The following SLC46A2 variants were observed in gnomAD, a reference collection of about 807,000 sequenced individuals.
SLC46A2 encodes thymic stromal co-transporter.
In SLC46A2, 25 loss-of-function variants were observed where a neutral mutation model predicts 33.1. The ratio of observed to expected loss-of-function variants is 0.76; its 90% CI spans 0.55 to 1.06. The LOEUF is 1.06. Ranked by LOEUF, SLC46A2 falls within the 50% of genes least tolerant of loss-of-function variation. SLC46A2 has a pLI of 0.00. For synonymous variants in SLC46A2, 254 were observed against 275.9 expected (o/e 0.92, Z 0.79); for missense variants, 622 against 621.7 (o/e 1.00, Z 0.00).
chr9:112,889,887 A>G lies in SLC46A2; in HGVS notation c.795T>C (p.Tyr265=). The G allele has an allele frequency of 2.5e-6, 4 of 1,614,224 alleles. No individual in the cohort carries two copies. Among genetic ancestry groups the G allele is most frequent in the Non-Finnish European group, 3.4e-6 (4 of 1,180,042 alleles). The change falls in exon 1 of 4, where the codon TAT becomes TAC. Residue 265 remains tyrosine (Y), a synonymous_variant. Coordinates refer to ENST00000374228, the MANE Select transcript of SLC46A2 (RefSeq NM_033051.4). ...CAGGAGATGGAGGGTGCCCCACTGC[A>G]TACTGTTGGTCCAACTGATCAGGAT... ...TLDPDQLDQQ[Y]AVGHPPSPGK...
chr9:112,887,405 C>G lies in SLC46A2; in HGVS notation c.1138G>C (p.Val380Leu). 6.2e-7 allele frequency: 1 copy of G among 1,608,422 alleles called. No homozygotes were observed. The highest frequency in any genetic ancestry group is 8.5e-7 in the Non-Finnish European group (1 of 1,177,720). Residue 380 changes from valine to leucine, a missense_variant, in exon 2 of 4, where the codon GTC becomes CTC. Coordinates refer to ENST00000374228, the MANE Select transcript of SLC46A2 (RefSeq NM_033051.4). ...ETYMFYIARAVMLFALIPVTT... is the reference protein window; with the variant it reads ...ETYMFYIARALMLFALIPVTT... ...ACGGGGATGAGAGCAAACAGCATGACGGCTCGAGCTGAAAGAGATCACACA... is the reference window on the plus strand; with the variant it reads ...ACGGGGATGAGAGCAAACAGCATGAGGGCTCGAGCTGAAAGAGATCACACA...
intron 3 of SLC46A2, among the ~76,000 whole-genome samples, chr9:112,886,059 G>T (rs532849964): frequency 2.2e-4 from 34 of 152,364 alleles, no homozygotes; most frequent in African/African-American, 7.7e-4. Context: ...CCCTGTGAGG[G>T]CACGGGGAAG....
At chr9:112,881,139 T>A (rs1274489976) in intron 3 of SLC46A2, among the ~76,000 whole-genome samples, 1 of 152,230 alleles carries the variant, frequency 6.6e-6, no homozygotes, top group Non-Finnish European at 1.5e-5. Context: ...CAATTAGGTC[T>A]GAACTGAAGT....
Position 112,890,870 on chromosome 9 carries a change from C to A in SLC46A2, c.-189G>T, listed in dbSNP as rs530648710. Reference sequence around the variant, plus strand: ...TGGCGAGCAGAGCCAGGGCACGCAGCGCCTGTGACAGCAGCCCGCCCAGCA... The same window carrying A: ...TGGCGAGCAGAGCCAGGGCACGCAGAGCCTGTGACAGCAGCCCGCCCAGCA... On this transcript the variant is annotated 5_prime_UTR_variant, in exon 1 of 4. Coordinates refer to ENST00000374228, the MANE Select transcript of SLC46A2 (RefSeq NM_033051.4). This position sits in a 1 kb window ranked among gnomAD's most constrained non-coding sequence, Gnocchi z 6.0. 4.1e-5 allele frequency: 29 copies of A among 705,750 alleles called. No homozygotes were observed. The East Asian group carries it at 7.9e-4, about 19-fold the overall frequency. The allele number at this position is 705,750 out of a possible 1,614,324, so 43.7% of individuals were successfully genotyped here.
Position 112,887,589 on chromosome 9 carries a change from T to C in SLC46A2, c.1130-176A>G, listed in dbSNP as rs552038447. Among the ~76,000 whole-genome samples, 54 of 152,324 alleles carry C rather than the reference T, an allele frequency of 3.5e-4. 1 individual carries two copies. The highest frequency in any genetic ancestry group is 1.8e-3 in the Admixed American group (27 of 15,300). ...CCCTCCCTTGACCAGTCTGTGACCC[T>C]CTGAGCTCTGATGCTGCTGTGTATG... is the stretch of plus-strand genomic sequence containing the variant. On this transcript the variant is annotated intron_variant, in intron 1 of 3. Coordinates refer to ENST00000374228, the MANE Select transcript of SLC46A2 (RefSeq NM_033051.4).
At chr9:112,887,234 C>T in intron 2 of SLC46A2, 96 bp downstream of exon 2, 1 of 1,085,144 alleles carries the variant, frequency 9.2e-7, no homozygotes, top group Non-Finnish European at 1.4e-6. Flanking sequence ...GCTTCTGGAA[C>T]TGTCTCAAGT....
intron 3 of SLC46A2, chr9:112,881,821 A>G (rs1469913531): frequency 7.9e-5 from 12 of 152,206 alleles, no homozygotes. Context: ...GCATTCTACC[A>G]AGGAGAATAT....
At position 112,890,709 on chromosome 9, in the gene SLC46A2, C is replaced by G; in HGVS notation, c.-28G>C. ...GACCTCTCTGATGGGGATCGAAGGG[C>G]TTTCTGGCTGCAGTGACAAGGATAT... is the stretch of plus-strand genomic sequence containing the variant. On this transcript the variant is annotated 5_prime_UTR_variant, in exon 1 of 4. Coordinates refer to ENST00000374228, the MANE Select transcript of SLC46A2 (RefSeq NM_033051.4). This position sits in a 1 kb window ranked among gnomAD's most constrained non-coding sequence, Gnocchi z 6.0. 1 of 1,568,372 alleles carries G rather than the reference C, an allele frequency of 6.4e-7. No individual in the cohort carries two copies. The highest frequency in any genetic ancestry group is 8.6e-7 in the Non-Finnish European group (1 of 1,163,726).
At chr9:112,880,764 C>T (rs1054833006) in intron 3 of SLC46A2, among the ~76,000 whole-genome samples, 1 of 152,172 alleles carries the variant, frequency 6.6e-6, no homozygotes, top group African/African-American at 2.4e-5. Context: ...ATCCATTAGG[C>T]CATCTCTTTA....
chr9:112,890,057 T>C lies in SLC46A2; in HGVS notation c.625A>G (p.Thr209Ala). 1 of 1,613,826 alleles carries C rather than the reference T, an allele frequency of 6.2e-7. No homozygotes were observed. Among genetic ancestry groups the C allele is most frequent in the Non-Finnish European group, 8.5e-7 (1 of 1,179,992 alleles). ...AGHSGQGLIL[T>A]ACSVSCASFA... ...GAGGCACAGCTCACGCTGCAGGCCG[T>C]CAGTATCAGGCCCTGCCCAGAGTGC... The change falls in exon 1 of 4, where the codon ACG (threonine) becomes GCG (alanine). Residue 209 changes from threonine to alanine, a missense_variant. Transcript: ENST00000374228. The surrounding 1 kb of genome is among the most constrained non-coding windows in gnomAD (Gnocchi z 6.0).
In SLC46A2 at chr9:112,889,956, G is replaced by C. The variant is rs114822090; in HGVS notation, c.726C>G (p.Ala242=). 6.8e-6 allele frequency: 11 copies of C among 1,614,028 alleles called. No homozygotes were observed. The highest frequency in any genetic ancestry group is 9.3e-6 in the Non-Finnish European group (11 of 1,180,014). ...CAACCGTGCCAGACACGGTATCCACGGCGGGGAGCTCCTGGCTGGGTTTGG... is the reference window on the plus strand; with the variant it reads ...CAACCGTGCCAGACACGGTATCCACCGCGGGGAGCTCCTGGCTGGGTTTGG... ...SVAKPSQELP[A]VDTVSGTVGT... The change falls in exon 1 of 4, where the codon GCC becomes GCG. Residue 242 remains alanine, a synonymous_variant. Coordinates refer to ENST00000374228, the MANE Select transcript of SLC46A2 (RefSeq NM_033051.4).
chr9:112,886,735 T>TC (rs1270780561), intron 2 of SLC46A2, 119 bp from the exon 3 acceptor site: 6 of 1,034,784 alleles, frequency 5.8e-6, no homozygotes, highest in South Asian at 1.6e-5. Flanking sequence ...TCTCTCTCTC[T>TC]TTTTTTAGAG....
chr9:112,883,698 T>C (rs1248715476), intron 3 of SLC46A2, among the ~76,000 whole-genome samples: 3 of 99,682 alleles, frequency 3.0e-5, no homozygotes, highest in African/African-American at 1.2e-4. Flanking sequence ...CTTTTTTCTT[T>C]TCTTTTTTTT....
At position 112,889,751 on chromosome 9, in the gene SLC46A2, C is replaced by T; in HGVS notation, c.931G>A (p.Glu311Lys). The change falls in exon 1 of 4, where the codon GAG (glutamate) becomes AAG (lysine). Residue 311 changes from glutamate to lysine, a missense_variant. Glu to Lys is a moderately conservative substitution (Grantham distance 56). Coordinates refer to ENST00000374228, the MANE Select transcript of SLC46A2 (RefSeq NM_033051.4). Reference sequence around the variant, plus strand: ...TGCACTTGGTTCCAACCGAGAGGCTCCCTCAGCACAAAAAGAGGGATCACG... The same window carrying T: ...TGCACTTGGTTCCAACCGAGAGGCTTCCTCAGCACAAAAAGAGGGATCACG... ...VDVIPLFVLR[E>K]PLGWNQVQVG... 1 of 1,614,104 alleles carries T rather than the reference C, an allele frequency of 6.2e-7. No homozygotes were observed. The highest frequency in any genetic ancestry group is 8.5e-7 in the Non-Finnish European group (1 of 1,180,022).
chr9:112,890,719 G>A lies in SLC46A2; in HGVS notation c.-38C>T, dbSNP rs755440560. ...ATGGGGATCGAAGGGCTTTCTGGCT[G>A]CAGTGACAAGGATATGCTCCCAAAT... On this transcript the variant is annotated 5_prime_UTR_variant, in exon 1 of 4. Transcript: ENST00000374228. This position sits in a 1 kb window ranked among gnomAD's most constrained non-coding sequence, Gnocchi z 6.0. The A allele has an allele frequency of 6.4e-7, 1 of 1,561,346 alleles. No individual in the cohort carries two copies. The highest frequency in any genetic ancestry group is 1.4e-5 in the African/African-American group (1 of 73,964).
At position 112,886,447 on chromosome 9, in the gene SLC46A2, G is replaced by A. The variant is rs1043659481; in HGVS notation, c.1370+13C>T. ...GGTCCCAGCCCAAGCAGCAGATGCT[G>A]CTCCCATCCTACCTAATTGGAATGA... On this transcript the variant is annotated intron_variant, in intron 3 of 3. Transcript: ENST00000374228. 3.1e-6 allele frequency: 5 copies of A among 1,613,692 alleles called. No homozygotes were observed. In the Admixed American group the frequency reaches 8.3e-5, roughly 27 times the overall value.
Position 112,888,472 on chromosome 9 carries a change from G to GT in SLC46A2, c.1130-1060dup, listed in dbSNP as rs200623413. Among the ~76,000 whole-genome samples the GT allele has an allele frequency of 7.9e-3, 1,205 of 152,248 alleles. 7 individuals carry two copies. Among genetic ancestry groups the GT allele is most frequent in the Middle Eastern group, 0.031 (9 of 294 alleles). On this transcript the variant is annotated intron_variant, in intron 1 of 3. Transcript: ENST00000374228. ...CAGCCTCAGATAACTGTCTGAAGTT[G>GT]TTTTTTTGATATGATAGCCACTAGC...
intron 1 of SLC46A2, among the ~76,000 whole-genome samples, chr9:112,887,942 T>A (rs1181536601): frequency 2.8e-5 from 4 of 143,974 alleles, no homozygotes; most frequent in Non-Finnish European, 6.0e-5. Context: ...TGTGTGTGTG[T>A]GTGTGAGAGA....
chr9:112,890,140 C>T lies in SLC46A2; in HGVS notation c.542G>A (p.Gly181Asp), dbSNP rs571795745. The T allele has an allele frequency of 2.5e-5, 40 of 1,613,554 alleles. 1 individual carries two copies. The Middle Eastern group carries it at 5.0e-4, about 20-fold the overall frequency. Residue 181 changes from glycine (G) to aspartate (D), a missense_variant, in exon 1 of 4, where the codon GGC becomes GAC. Transcript: ENST00000374228. This position sits in a 1 kb window ranked among gnomAD's most constrained non-coding sequence, Gnocchi z 6.0. ...CATGCTCCCGCAGAACCCCGCCAAG[C>T]CCAGCATCAGGTCAATGAGGATGAG... ...VRLILIDLMLGLAGFCGSMAS... is the reference protein window; with the variant it reads ...VRLILIDLMLDLAGFCGSMAS...
Sources: gnomAD v4.1 joint callset for allele counts (sites outside exome capture counted in the v4.1 genomes callset) on GRCh38, gnomAD v4.1.1 for gene constraint, Gnocchi (gnomAD v3.1) non-coding constraint, MANE v1.5 for transcripts, NCBI Gene and HGNC (gene_info 2026-07-23, HGNC 2026-07-21) for gene names.